Variants in ZNF184 observed in about 807,000 individuals in gnomAD.
ZNF184 encodes the protein zinc finger protein 184 (Kruppel-like).
Under a neutral mutation model 54.4 loss-of-function variants are expected in ZNF184, and 16 were observed. The observed-to-expected ratio is 0.29, with a 90% confidence interval of 0.20 to 0.45. ZNF184 has a LOEUF of 0.45. ZNF184 is among the 20% of genes least tolerant of loss of function. The pLI, the probability that ZNF184 is intolerant of heterozygous loss-of-function variation, is 1.00. For missense variants in ZNF184, 681 were observed against 888.2 expected (o/e 0.77, Z 2.97); for synonymous variants, 254 against 295.3 (o/e 0.86, Z 1.43).
At chr6:27,405,360 C>G in the ZNF184 span, 3 of 152,192 alleles carry the variant, frequency 2.0e-5, no homozygotes, top group Admixed American at 6.5e-5. Context: ...CTGACTGCCC[C>G]GCTGTCTACA....
downstream of ZNF184, among the ~76,000 whole-genome samples, chr6:27,447,133 T>C (rs1762647141): frequency 6.6e-6 from 1 of 151,788 alleles, no homozygotes; most frequent in African/African-American, 2.4e-5. Context: ...AATAGGTAAC[T>C]TGTTTGATTT....
the ZNF184 span, among the ~76,000 whole-genome samples, chr6:27,413,026 T>G: frequency 1.3e-5 from 2 of 152,196 alleles, no homozygotes; most frequent in Non-Finnish European, 2.9e-5. Flanking sequence ...CACCTGAAGT[T>G]GGGAGTTCGA....
the ZNF184 span, among the ~76,000 whole-genome samples, chr6:27,443,963 T>C: frequency 1.3e-5 from 2 of 152,194 alleles, no homozygotes; most frequent in Non-Finnish European, 2.9e-5. Context: ...CCTGCTCTCA[T>C]GTACCTGAAC....
chr6:27,446,928 T>C (rs1332036180), downstream of ZNF184, among the ~76,000 whole-genome samples: 1 of 152,078 alleles, frequency 6.6e-6, no homozygotes, highest in Non-Finnish European at 1.5e-5. Flanking sequence ...GTGGATCATT[T>C]GAGGTCAGGA....
At chr6:27,439,562 A>T in the ZNF184 span, among the ~76,000 whole-genome samples, 1 of 152,230 alleles carries the variant, frequency 6.6e-6, no homozygotes, top group African/African-American at 2.4e-5. Context: ...GCACTGTGTC[A>T]CAATACCTAC....
the ZNF184 span, among the ~76,000 whole-genome samples, chr6:27,410,693 G>A: frequency 2.6e-5 from 4 of 151,978 alleles, no homozygotes; most frequent in Non-Finnish European, 5.9e-5. Flanking sequence ...CACCACGCCC[G>A]GCTAATTTTT....
downstream of ZNF184, among the ~76,000 whole-genome samples, chr6:27,449,043 A>G (rs2113706563): frequency 6.6e-6 from 1 of 152,332 alleles, no homozygotes; most frequent in East Asian, 1.9e-4. Context: ...ATGATTTTTA[A>G]TGAAGACTTA....
intron 3 of ZNF184, among the ~76,000 whole-genome samples, chr6:27,463,129 G>A (rs1330859758): frequency 8.9e-6 from 1 of 112,260 alleles, no homozygotes; most frequent in Non-Finnish European, 1.7e-5. Context: ...CTGTTGTGGG[G>A]TGGGGGGAGG....
chr6:27,446,760 C>T (rs935183761), downstream of ZNF184, among the ~76,000 whole-genome samples: 1 of 152,170 alleles, frequency 6.6e-6, no homozygotes, highest in African/African-American at 2.4e-5. Context: ...TGGACTGAAC[C>T]ATTGGAGCAG....
chr6:27,468,227 A>C (rs536728566), intron 2 of ZNF184, among the ~76,000 whole-genome samples: 1 of 152,208 alleles, frequency 6.6e-6, no homozygotes, highest in Non-Finnish European at 1.5e-5. Context: ...TCTCTGCTAC[A>C]TATAAAATAT....
chr6:27,409,131 G>A, the ZNF184 span, among the ~76,000 whole-genome samples: 83,841 of 151,964 alleles, frequency 0.55, 24,106 homozygotes, highest in Middle Eastern at 0.73. Flanking sequence ...AAGGATGATC[G>A]AATGGGAAAA....
the ZNF184 span, among the ~76,000 whole-genome samples, chr6:27,416,937 C>G: frequency 1.3e-5 from 2 of 151,928 alleles, no homozygotes; most frequent in African/African-American, 4.8e-5. Context: ...TAGAAAAATC[C>G]CAAATTATCA....
Position 27,472,168 on chromosome 6 carries a change from C to G in ZNF184, c.7+120G>C. The G allele has an allele frequency of 7.4e-7, 1 of 1,359,834 alleles. No individual in the cohort carries two copies. The highest frequency in any genetic ancestry group is 1.0e-6 in the Non-Finnish European group (1 of 976,760). The allele number at this position is 1,359,834 out of a possible 1,614,324, so 84.2% of individuals were successfully genotyped here. A position where few individuals can be genotyped will look rare whatever the true frequency, so the allele number is the denominator to read the frequency against. The stretch of plus-strand genomic sequence containing the variant: ...AATGTAATTCGGTTTCTTTGCTAAT[C>G]CCTAAGCATACCGTTCCTTCCTTCC... On this transcript the variant is annotated intron_variant, in intron 2 of 5. Coordinates refer to ENST00000683788, the MANE Select transcript of ZNF184 (RefSeq NM_001318891.2). This position sits in a 1 kb window ranked among gnomAD's most constrained non-coding sequence, Gnocchi z 4.8.
At chr6:27,441,040 A>C in the ZNF184 span, among the ~76,000 whole-genome samples, 1 of 152,138 alleles carries the variant, frequency 6.6e-6, no homozygotes, top group African/African-American at 2.4e-5. Flanking sequence ...AAAATGAAAA[A>C]GAGAAGGTGC....
At chr6:27,404,208 G>T in the ZNF184 span, 1 of 151,906 alleles carries the variant, frequency 6.6e-6, no homozygotes, top group Non-Finnish European at 1.5e-5. Context: ...AAAATGAGAA[G>T]GTCATTTGCT....
chr6:27,438,338 A>G, the ZNF184 span, among the ~76,000 whole-genome samples: 1 of 152,228 alleles, frequency 6.6e-6, no homozygotes. Context: ...TGCTCAATAA[A>G]CATTTGTTAA....
the ZNF184 span, among the ~76,000 whole-genome samples, chr6:27,444,635 C>T: frequency 6.6e-6 from 1 of 152,172 alleles, no homozygotes; most frequent in African/African-American, 2.4e-5. Flanking sequence ...CACCACTCTA[C>T]CAAAACTGCT....
downstream of ZNF184, among the ~76,000 whole-genome samples, chr6:27,450,475 C>T (rs58575778): frequency 1.4e-3 from 214 of 152,176 alleles, 1 homozygote; most frequent in African/African-American, 5.1e-3. Flanking sequence ...TGTAGGAACA[C>T]AAGAAGAAGA....
intron 5 of ZNF184, among the ~76,000 whole-genome samples, chr6:27,455,912 T>C (rs1762842097): frequency 6.6e-6 from 1 of 152,188 alleles, no homozygotes; most frequent in Non-Finnish European, 1.5e-5. Flanking sequence ...TGGAAACTGA[T>C]GATTTAGAAG....
Sources: gnomAD v4.1 joint callset for allele counts (sites outside exome capture counted in the v4.1 genomes callset) on GRCh38, gnomAD v4.1.1 for gene constraint, Gnocchi (gnomAD v3.1) non-coding constraint, MANE v1.5 for transcripts, NCBI Gene and HGNC (gene_info 2026-07-23, HGNC 2026-07-21) for gene names.